Variants in MGAT4A observed in about 807,000 individuals in gnomAD.
MGAT4A encodes alpha-1,3-mannosyl-glycoprotein 4-beta-N-acetylglucosaminyltransferase A.
A neutral mutation model predicts 74.1 loss-of-function variants in MGAT4A; 33 were observed. The observed-to-expected ratio is 0.45, with a 90% CI of 0.34 to 0.60. The LOEUF is 0.60. Among genes scored for constraint, MGAT4A ranks in the 20% least tolerant of loss-of-function variants. The probability of loss-of-function intolerance (pLI) is 0.02; values close to 1 mark genes in which losing one functional copy is unlikely to be tolerated. For synonymous variants in MGAT4A, 198 were observed against 210.4 expected, an observed-to-expected ratio of 0.94 and a Z score of 0.51; for missense variants, 479 against 628.3, an observed-to-expected ratio of 0.76 and a Z score of 2.54.
At chr2:98,678,497 A>C (rs769052200) in intron 2 of MGAT4A, 26 bp from the exon 3 acceptor site, 6 of 1,464,412 alleles carry the variant, frequency 4.1e-6, no homozygotes, top group Non-Finnish European at 5.6e-6. Flanking sequence ...AAACAGTTAT[A>C]GTATATGTCT....
At chr2:98,656,110 TAAG>T (rs1701656529) in intron 7 of MGAT4A, 1 of 422,728 alleles carries the variant, frequency 2.4e-6, no homozygotes, top group Admixed American at 4.3e-5. Context: ...CAGAAACACA[TAAG>T]AGAAGTGGAT....
At position 98,663,060 on chromosome 2, in the gene MGAT4A, CTACTA is replaced by C. The variant is rs761062656; in HGVS notation, c.518_522del (p.Ile173SerfsTer9). The C allele has an allele frequency of 6.5e-7, 1 of 1,549,346 alleles. No homozygotes were observed. The highest frequency in any genetic ancestry group is 8.7e-7 in the Non-Finnish European group (1 of 1,143,450). ...TAAATAATTACCTCTCCTATGAAGA[CTACTA>C]TAACACAGTCCAACTTCTCTTCAGG... is the stretch of plus-strand genomic sequence containing the variant. On this transcript the variant is annotated frameshift_variant, in exon 5 of 16. Coordinates refer to ENST00000393487, the MANE Select transcript of MGAT4A (RefSeq NM_012214.3). LOFTEE classifies it high-confidence loss of function.
intron 14 of MGAT4A, among the ~76,000 whole-genome samples, chr2:98,632,941 C>T (rs1030573968): frequency 6.6e-5 from 10 of 152,102 alleles, no homozygotes; most frequent in African/African-American, 2.4e-4. Flanking sequence ...TGTATTTTTA[C>T]TAGAGATAGG....
chr2:98,681,726 C>T (rs561562044), intron 2 of MGAT4A, among the ~76,000 whole-genome samples: 5 of 151,944 alleles, frequency 3.3e-5, no homozygotes, highest in African/African-American at 1.2e-4. Context: ...GAAGCCATGG[C>T]GAGAGGATCA....
intron 2 of MGAT4A, among the ~76,000 whole-genome samples, chr2:98,707,737 C>T (rs1702459603): frequency 6.6e-6 from 1 of 152,280 alleles, no homozygotes; most frequent in Admixed American, 6.5e-5. Context: ...GAAAAGAAAA[C>T]CATGAACAGC....
At chr2:98,722,892 C>T (rs1702697585) in intron 2 of MGAT4A, among the ~76,000 whole-genome samples, 1 of 152,094 alleles carries the variant, frequency 6.6e-6, no homozygotes, top group Non-Finnish European at 1.5e-5. Flanking sequence ...CTAGATTGCG[C>T]CTGACCACAG....
chr2:98,701,215 G>A (rs1702351723), intron 2 of MGAT4A, among the ~76,000 whole-genome samples: 1 of 152,142 alleles, frequency 6.6e-6, no homozygotes, highest in African/African-American at 2.4e-5. Flanking sequence ...CTGCTCTAAA[G>A]ATTTAGTTCA....
intron 14 of MGAT4A, among the ~76,000 whole-genome samples, chr2:98,627,348 CAATATT>C (rs1701160198): frequency 6.6e-6 from 1 of 152,058 alleles, no homozygotes; most frequent in East Asian, 1.9e-4. Flanking sequence ...CATTAAGAAA[CAATATT>C]AAGTCTGCAG....
chr2:98,704,059 G>A (rs1366315628), intron 2 of MGAT4A, among the ~76,000 whole-genome samples: 1 of 152,150 alleles, frequency 6.6e-6, no homozygotes, highest in East Asian at 1.9e-4. Context: ...TAACATCTCT[G>A]TAAGTAGGGT....
chr2:98,656,996 T>C (rs1701670319), intron 6 of MGAT4A, among the ~76,000 whole-genome samples: 1 of 152,200 alleles, frequency 6.6e-6, no homozygotes, highest in Non-Finnish European at 1.5e-5. Flanking sequence ...GAAGACGTTC[T>C]GGTTGCCACA....
chr2:98,668,674 C>T (rs1397081119), intron 4 of MGAT4A, among the ~76,000 whole-genome samples: 1 of 152,208 alleles, frequency 6.6e-6, no homozygotes, highest in Non-Finnish European at 1.5e-5. Context: ...CCACTCATGG[C>T]TTTTACCACA....
chr2:98,708,072 A>G (rs763180627), intron 2 of MGAT4A, among the ~76,000 whole-genome samples: 19 of 152,176 alleles, frequency 1.2e-4, no homozygotes, highest in Admixed American at 6.5e-5. Flanking sequence ...ACCAAAATAT[A>G]TAAGTTAAGC....
chr2:98,672,504 G>T (rs569979314), intron 4 of MGAT4A, among the ~76,000 whole-genome samples: 14 of 152,134 alleles, frequency 9.2e-5, no homozygotes, highest in Non-Finnish European at 2.1e-4. Flanking sequence ...GAGAGTCTTT[G>T]CTCAGCCCTC....
intron 2 of MGAT4A, among the ~76,000 whole-genome samples, chr2:98,680,866 G>A (rs566848815): frequency 1.3e-5 from 2 of 152,282 alleles, no homozygotes; most frequent in Admixed American, 6.5e-5. Context: ...TTTTACTGAA[G>A]TCTATAATAG....
chr2:98,663,417 T>A (rs1401628791), intron 4 of MGAT4A: 2 of 1,496,702 alleles, frequency 1.3e-6, no homozygotes, highest in East Asian at 2.5e-5. Flanking sequence ...GACATTAAAC[T>A]TCACACTAAA....
At chr2:98,639,640 C>T (rs1484799776) in intron 12 of MGAT4A, among the ~76,000 whole-genome samples, 168 bp downstream of exon 12, 1 of 152,140 alleles carries the variant, frequency 6.6e-6, no homozygotes, top group Non-Finnish European at 1.5e-5. Context: ...CTGAAAACAA[C>T]ATACTCGTTT....
rs1300942666 is a variant in MGAT4A at position 98,662,919 on chromosome 2, T to C, written c.537+127A>G. The C allele has an allele frequency of 3.7e-5, 24 of 641,604 alleles. No individual in the cohort carries two copies. The East Asian group carries it at 5.5e-4, about 15-fold the overall frequency. The allele number at this position is 641,604 out of a possible 1,614,324, so 39.7% of individuals were successfully genotyped here. A position where few individuals can be genotyped will look rare whatever the true frequency, so the allele number is the denominator to read the frequency against. ...TTACATTAAACTACCAGATAGAATA[T>C]ATTACCTAAGCTTTACTCATCACAT... On this transcript the variant is annotated intron_variant, in intron 5 of 15. Coordinates refer to ENST00000393487, the MANE Select transcript of MGAT4A (RefSeq NM_012214.3).
intron 2 of MGAT4A, among the ~76,000 whole-genome samples, chr2:98,703,133 T>C (rs1025469246): frequency 6.6e-6 from 1 of 152,044 alleles, no homozygotes; most frequent in Non-Finnish European, 1.5e-5. Flanking sequence ...AAAGAACTAA[T>C]GAAGCCAAGT....
intron 11 of MGAT4A, 32 bp downstream of exon 11, chr2:98,640,089 T>C (rs1350967462): frequency 6.4e-7 from 1 of 1,574,752 alleles, no homozygotes; most frequent in South Asian, 1.2e-5. Flanking sequence ...ACAAGTTGTA[T>C]GTTCATGAGA....
Sources: allele counts gnomAD v4.1 joint callset (sites outside exome capture counted in the v4.1 genomes callset), GRCh38; gene constraint gnomAD v4.1.1; transcripts MANE v1.5; gene names NCBI Gene and HGNC (gene_info 2026-07-23, HGNC 2026-07-21).